WLS: variants seen among roughly 807,000 people sequenced by gnomAD.
The protein encoded by WLS is Wnt ligand secretion mediator.
WLS carries 23 observed loss-of-function variants against 62.8 expected under a neutral mutation model. The ratio of observed to expected loss-of-function variants is 0.37; its 90% CI spans 0.26 to 0.52. WLS has a LOEUF of 0.52. WLS is among the 20% of genes least tolerant of loss of function. The probability of loss-of-function intolerance (pLI) is 0.92; values close to 1 mark genes in which losing one functional copy is unlikely to be tolerated. For missense variants in WLS, 615 were observed against 697.3 expected, an observed-to-expected ratio of 0.88 and a Z score of 1.33; for synonymous variants, 246 against 244.1, an observed-to-expected ratio of 1.01 and a Z score of -0.07.
At chr1:68,112,991 A>G (rs1324484689) in intron 11 of WLS, among the ~76,000 whole-genome samples, 1 of 152,250 alleles carries the variant, frequency 6.6e-6, no homozygotes, top group African/African-American at 2.4e-5. Flanking sequence ...TCATTTAGTT[A>G]GCTGCCCACG....
At chr1:68,140,668 C>T (rs1263394629) in intron 10 of WLS, among the ~76,000 whole-genome samples, 4 of 152,118 alleles carry the variant, frequency 2.6e-5, no homozygotes, top group African/African-American at 9.7e-5. Flanking sequence ...AATTACACAC[C>T]CTACTGAATG....
chr1:68,194,084 C>T lies in WLS; in HGVS notation c.250G>A (p.Glu84Lys), dbSNP rs1570990499. The change falls in exon 2 of 12, where the codon GAA becomes AAA. Residue 84 changes from glutamate (E) to lysine (K), a missense_variant. Transcript: ENST00000262348. The stretch of plus-strand genomic sequence containing the variant: ...AACACGATGTCATTGGCTTCAATTT[C>T]CCTTGGAATTGCCTCTTCAATGTCT... ...IRDIEEAIPR[E>K]IEANDIVFSV... 6.2e-7 allele frequency: 1 copy of T among 1,614,096 alleles called. No homozygotes were observed. Among genetic ancestry groups the T allele is most frequent in the Non-Finnish European group, 8.5e-7 (1 of 1,180,018 alleles).
intron 2 of WLS, among the ~76,000 whole-genome samples, chr1:68,174,154 C>T (rs1463743740): frequency 6.6e-6 from 1 of 152,196 alleles, no homozygotes; most frequent in Non-Finnish European, 1.5e-5. Flanking sequence ...CTCTGCAGCT[C>T]TCCCGCAGCT....
intron 2 of WLS, chr1:68,183,554 C>G (rs1647717102): frequency 1.9e-6 from 1 of 532,888 alleles, no homozygotes; most frequent in South Asian, 1.4e-5. Context: ...AAATTAGTTC[C>G]CAGAAGGATT....
intron 10 of WLS, chr1:68,138,328 G>C (rs1646640051): frequency 5.2e-6 from 1 of 193,222 alleles, no homozygotes; most frequent in African/African-American, 2.4e-5. Flanking sequence ...GCAGAGACCA[G>C]TTCTCTGCTG....
chr1:68,098,674 C>T (rs777118708), exon 12 of WLS: 26 of 1,613,944 alleles, frequency 1.6e-5, no homozygotes, highest in South Asian at 8.8e-5. Flanking sequence ...AGGAATATTT[C>T]GAAGCGCTGA....
At chr1:68,223,823 T>C (rs1650034912) in intron 1 of WLS, among the ~76,000 whole-genome samples, 1 of 152,168 alleles carries the variant, frequency 6.6e-6, no homozygotes, top group Non-Finnish European at 1.5e-5. Flanking sequence ...CAAGTTTCTC[T>C]CCACTAAATG....
In WLS at chr1:68,141,978, G is replaced by A. The variant is rs543263361; in HGVS notation, c.1362+2591C>T. On this transcript the variant is annotated intron_variant, in intron 10 of 11. Coordinates refer to ENST00000262348, the MANE Select transcript of WLS (RefSeq NM_024911.7). ...TGAAATCCACTCCGGGCCGACTGTC[G>A]CAGCAGATATAAAAAGCCAGCCACA... Among the ~76,000 whole-genome samples, 46 of 152,284 alleles carry A rather than the reference G, an allele frequency of 3.0e-4. 1 individual carries two copies. The South Asian group carries it at 9.1e-3, about 30-fold the overall frequency.
chr1:68,100,022 T>G (rs1226494007), intron 11 of WLS, among the ~76,000 whole-genome samples: 1 of 152,228 alleles, frequency 6.6e-6, no homozygotes, highest in African/African-American at 2.4e-5. Context: ...TATAAACATT[T>G]GCCAAATAAG....
intron 11 of WLS, among the ~76,000 whole-genome samples, chr1:68,116,313 A>T (rs1409680789): frequency 6.6e-6 from 1 of 152,212 alleles, no homozygotes; most frequent in Admixed American, 6.5e-5. Context: ...CTCCTCTGAC[A>T]ACCACACGGG....
intron 2 of WLS, among the ~76,000 whole-genome samples, chr1:68,170,629 C>A (rs934660367): frequency 2.0e-5 from 3 of 152,032 alleles, no homozygotes; most frequent in Non-Finnish European, 2.9e-5. Flanking sequence ...CATCCCCGCT[C>A]GTGCCAGACT....
At position 68,194,155 on chromosome 1, in the gene WLS, G is replaced by A; in HGVS notation, c.179C>T (p.Thr60Ile). The A allele has an allele frequency of 1.2e-6, 2 of 1,614,208 alleles. No homozygotes were observed. Among genetic ancestry groups the A allele is most frequent in the Non-Finnish European group, 1.7e-6 (2 of 1,180,028 alleles). ...CVDARKNHHK[T>I]KWFVPWGPNH... ...GGGTCCCCAAGGCACGAACCATTTTGTCTTGTGATGGTTCTTACGGGCATC... is the reference window on the plus strand; with the variant it reads ...GGGTCCCCAAGGCACGAACCATTTTATCTTGTGATGGTTCTTACGGGCATC... The change falls in exon 2 of 12, where the codon ACA (threonine) becomes ATA (isoleucine). Residue 60 changes from threonine (T) to isoleucine (I), a missense_variant. Physicochemically the swap from Thr to Ile is moderately conservative, Grantham distance 89. Transcript: ENST00000262348.
chr1:68,184,746 A>G (rs747753618), intron 2 of WLS, among the ~76,000 whole-genome samples: 1 of 152,172 alleles, frequency 6.6e-6, no homozygotes, highest in Non-Finnish European at 1.5e-5. Context: ...CACTGACTCA[A>G]TCATAGATTT....
At chr1:68,148,261 C>A in intron 7 of WLS, 62 bp from the exon 8 acceptor site, 1 of 1,554,996 alleles carries the variant, frequency 6.4e-7, no homozygotes, top group South Asian at 1.1e-5. Context: ...GGGAACTTTC[C>A]TTTTCACATA....
At chr1:68,114,348 A>G (rs950093534) in intron 11 of WLS, among the ~76,000 whole-genome samples, 5 of 152,192 alleles carry the variant, frequency 3.3e-5, no homozygotes, top group Non-Finnish European at 7.3e-5. Flanking sequence ...ATTTGGAGAA[A>G]TTTAGGAGCC....
chr1:68,103,358 G>A (rs1646103027), intron 11 of WLS, among the ~76,000 whole-genome samples: 2 of 152,224 alleles, frequency 1.3e-5, no homozygotes, highest in African/African-American at 2.4e-5. Flanking sequence ...TCACAGGTTG[G>A]CTCCCCTTGT....
chr1:68,115,259 A>T (rs549129800), intron 11 of WLS, among the ~76,000 whole-genome samples: 16 of 152,302 alleles, frequency 1.1e-4, no homozygotes, highest in African/African-American at 3.6e-4. Flanking sequence ...GACACGAAGA[A>T]GATCTGTTGC....
chr1:68,166,145 C>A (rs956399125), intron 2 of WLS, among the ~76,000 whole-genome samples: 5 of 152,216 alleles, frequency 3.3e-5, no homozygotes, highest in South Asian at 2.1e-4. Context: ...TAAATTACCT[C>A]ATTTAATGTT....
chr1:68,214,122 G>A (rs1012419798), intron 1 of WLS, among the ~76,000 whole-genome samples: 3 of 151,828 alleles, frequency 2.0e-5, no homozygotes, highest in Non-Finnish European at 4.4e-5. Flanking sequence ...GCCTGGCCAA[G>A]TTCCAGGAAT....
Sources: allele counts gnomAD v4.1 joint callset (sites outside exome capture counted in the v4.1 genomes callset), GRCh38; gene constraint gnomAD v4.1.1; transcripts MANE v1.5; gene names NCBI Gene and HGNC (gene_info 2026-07-23, HGNC 2026-07-21).